SLC9A9: variants seen among roughly 807,000 people sequenced by gnomAD.
SLC9A9 encodes the protein sodium/hydrogen exchanger 9.
Under a neutral mutation model 77.8 loss-of-function variants are expected in SLC9A9, and 62 were observed. The ratio of observed to expected loss-of-function variants is 0.80; its 90% CI spans 0.65 to 0.98. SLC9A9 has a LOEUF of 0.98. Among genes scored for constraint, SLC9A9 ranks in the 50% least tolerant of loss-of-function variants. The pLI is 0.00. For synonymous variants in SLC9A9, 320 were observed against 283.5 expected (o/e 1.13, Z -1.29); for missense variants, 775 against 774.9 (o/e 1.00, Z 0.00).
At chr3:143,635,350 G>A (rs941288501) in intron 6 of SLC9A9, among the ~76,000 whole-genome samples, 9 of 152,258 alleles carry the variant, frequency 5.9e-5, no homozygotes, top group African/African-American at 1.7e-4. Flanking sequence ...CATCCCTTCT[G>A]TATTCTTTAC....
At position 143,410,668 on chromosome 3, in the gene SLC9A9, C is replaced by T. The variant is rs577661824; in HGVS notation, c.1470-28554G>A. On this transcript the variant is annotated intron_variant, in intron 12 of 15. Transcript: ENST00000316549. ...TTGCTGCCAGAATTGTCTTCTTTTGCACTTTACTATTCTTCTTCTAATTCC... is the reference window on the plus strand; with the variant it reads ...TTGCTGCCAGAATTGTCTTCTTTTGTACTTTACTATTCTTCTTCTAATTCC... Among the ~76,000 whole-genome samples the T allele has an allele frequency of 2.3e-3, 354 of 152,252 alleles. 1 individual carries two copies. Among genetic ancestry groups the T allele is most frequent in the African/African-American group, 8.2e-3 (339 of 41,552 alleles).
At chr3:143,816,309 T>C (rs1438056106) in intron 2 of SLC9A9, among the ~76,000 whole-genome samples, 1 of 152,220 alleles carries the variant, frequency 6.6e-6, no homozygotes, top group Non-Finnish European at 1.5e-5. Context: ...GCTCAAGTGA[T>C]CTTTCCATCT....
At chr3:143,791,381 T>C (rs952059138) in intron 4 of SLC9A9, among the ~76,000 whole-genome samples, 2 of 152,242 alleles carry the variant, frequency 1.3e-5, no homozygotes, top group African/African-American at 4.8e-5. Flanking sequence ...TCCATTCCTG[T>C]AAAGCATCTG....
chr3:143,485,624 A>G (rs565256193), intron 11 of SLC9A9, among the ~76,000 whole-genome samples: 1 of 152,110 alleles, frequency 6.6e-6, no homozygotes, highest in East Asian at 1.9e-4. Flanking sequence ...AATCCAGAAA[A>G]CCCTGGGAAA....
At chr3:143,707,400 A>ACC (rs60762977) in intron 4 of SLC9A9, among the ~76,000 whole-genome samples, 6 of 145,110 alleles carry the variant, frequency 4.1e-5, no homozygotes, top group African/African-American at 7.6e-5. Flanking sequence ...ACACACACAC[A>ACC]CCCCAGCTGG....
intron 1 of SLC9A9, 171 bp downstream of exon 1, chr3:143,847,977 G>T: frequency 1.4e-6 from 1 of 698,130 alleles, no homozygotes; most frequent in Non-Finnish European, 2.4e-6. Context: ...AAATTTCGGC[G>T]GCTTGTCTGT....
intron 5 of SLC9A9, among the ~76,000 whole-genome samples, chr3:143,659,285 C>A (rs1159364188): frequency 6.6e-6 from 1 of 152,046 alleles, no homozygotes; most frequent in Non-Finnish European, 1.5e-5. Flanking sequence ...CAAAAAAAAT[C>A]AACACTTAGA....
chr3:143,505,866 T>A (rs2036006405), intron 9 of SLC9A9, among the ~76,000 whole-genome samples: 1 of 152,196 alleles, frequency 6.6e-6, no homozygotes, highest in Non-Finnish European at 1.5e-5. Context: ...CCTGAAACCC[T>A]CAAGCTTATA....
chr3:143,310,367 C>T (rs1234888957), intron 14 of SLC9A9, among the ~76,000 whole-genome samples: 1 of 152,146 alleles, frequency 6.6e-6, no homozygotes, highest in Non-Finnish European at 1.5e-5. Flanking sequence ...CTTCCTTCTC[C>T]ATAAGGCTGG....
chr3:143,649,472 A>G (rs2038762383), intron 6 of SLC9A9, among the ~76,000 whole-genome samples: 1 of 152,150 alleles, frequency 6.6e-6, no homozygotes, highest in South Asian at 2.1e-4. Flanking sequence ...GCTGCTACGT[A>G]CAAGAGTTGT....
intron 2 of SLC9A9, among the ~76,000 whole-genome samples, chr3:143,827,328 A>G (rs2009325073): frequency 6.6e-6 from 1 of 152,214 alleles, no homozygotes; most frequent in African/African-American, 2.4e-5. Context: ...GTCTTGTTTT[A>G]TCCTCTTAGA....
intron 1 of SLC9A9, among the ~76,000 whole-genome samples, chr3:143,844,711 C>CTCTTTCTTTCTTTCTTTCTTTCTT (rs3031232): frequency 1.0e-5 from 1 of 95,752 alleles, no homozygotes; most frequent in Non-Finnish European, 2.2e-5. Flanking sequence ...AACTTTCTTT[C>CTCTTTCTTTCTTTCTTTCTTTCTT]TCTTTCTTTC....
chr3:143,493,166 A>G (rs868836700), intron 11 of SLC9A9, among the ~76,000 whole-genome samples: 2 of 152,186 alleles, frequency 1.3e-5, no homozygotes, highest in African/African-American at 2.4e-5. Context: ...TCAACTAACA[A>G]CTGAGCATAC....
intron 4 of SLC9A9, among the ~76,000 whole-genome samples, chr3:143,792,962 C>T (rs184496794): frequency 4.6e-5 from 7 of 152,228 alleles, no homozygotes; most frequent in Middle Eastern, 3.4e-3. Flanking sequence ...TCACTAGATA[C>T]GATTCTAAAA....
Position 143,832,193 on chromosome 3 carries a change from A to G in SLC9A9, c.204T>C (p.Tyr68=), listed in dbSNP as rs1359449702. 6.2e-6 allele frequency: 10 copies of G among 1,612,446 alleles called. No homozygotes were observed. Among genetic ancestry groups the G allele is most frequent in the African/African-American group, 1.3e-5 (1 of 74,832 alleles). ...YGLIMGLILR[Y]ATAPTDIESG... is the part of the protein sequence containing the mutation. ...TTTCAATATCAGTTGGTGCTGTAGC[A>G]TATCGTAAAATTAGTCCCATTATAA... The change falls in exon 2 of 16, where the codon TAT becomes TAC. Residue 68 remains tyrosine (Y), a synonymous_variant. Coordinates refer to ENST00000316549, the MANE Select transcript of SLC9A9 (RefSeq NM_173653.4).
At chr3:143,827,743 C>T (rs1316342317) in intron 2 of SLC9A9, among the ~76,000 whole-genome samples, 1 of 152,170 alleles carries the variant, frequency 6.6e-6, no homozygotes, top group Non-Finnish European at 1.5e-5. Context: ...GAAATTTCAT[C>T]CAAGACACTA....
intron 6 of SLC9A9, among the ~76,000 whole-genome samples, chr3:143,642,047 A>G (rs1000790380): frequency 2.6e-5 from 4 of 152,200 alleles, no homozygotes; most frequent in Admixed American, 6.5e-5. Context: ...CTACTCAATA[A>G]TATTCTTCAG....
intron 5 of SLC9A9, among the ~76,000 whole-genome samples, chr3:143,674,529 G>C (rs1560025345): frequency 2.0e-5 from 3 of 152,054 alleles, no homozygotes; most frequent in African/African-American, 7.2e-5. Context: ...CCTTGAAACC[G>C]GTGCGCCCCA....
chr3:143,475,361 T>TA (rs1248166484), intron 11 of SLC9A9, among the ~76,000 whole-genome samples: 2 of 152,166 alleles, frequency 1.3e-5, no homozygotes, highest in African/African-American at 4.8e-5. Context: ...GTACGCTTGG[T>TA]AAGAGCTGAC....
Sources: allele counts gnomAD v4.1 joint callset (sites outside exome capture counted in the v4.1 genomes callset), GRCh38; gene constraint gnomAD v4.1.1; transcripts MANE v1.5; gene names NCBI Gene and HGNC (gene_info 2026-07-23, HGNC 2026-07-21).